The following SATL1 variants were observed in gnomAD, a reference collection of about 807,000 sequenced individuals.
The protein encoded by SATL1 is spermidine/spermine N(1)-acetyltransferase-like protein 1.
Under a neutral mutation model 51.8 loss-of-function variants are expected in SATL1, and 47 were observed. The ratio of observed to expected loss-of-function variants is 0.91; its 90% CI spans 0.72 to 1.16. The LOEUF is 1.16. SATL1 is among the 50% of genes most tolerant of loss of function. SATL1 has a pLI of 0.00. For missense variants in SATL1, 520 were observed against 526.4 expected (o/e 0.99, Z 0.12); for synonymous variants, 176 against 182.4 (o/e 0.97, Z 0.28).
chrX:85,101,078 G>A (rs957947619), intron 4 of SATL1, among the ~76,000 whole-genome samples: 7 of 112,146 alleles, frequency 6.2e-5, no homozygotes, highest in Non-Finnish European at 1.3e-4. Flanking sequence ...CTCAACATAA[G>A]TGCTAAACCT....
At chrX:85,121,067 T>G (rs1213646819) in intron 2 of SATL1, among the ~76,000 whole-genome samples, 2 of 110,678 alleles carry the variant, frequency 1.8e-5, no homozygotes, top group Non-Finnish European at 3.8e-5. Context: ...TCTGTGCTTC[T>G]TAGTAACTTT....
intron 2 of SATL1, among the ~76,000 whole-genome samples, chrX:85,201,369 A>G (rs755031776): frequency 7.2e-4 from 80 of 111,431 alleles, no homozygotes; most frequent in Admixed American, 2.4e-3. Flanking sequence ...TTAAGGCCCA[A>G]TTTTAAGATT....
chrX:85,151,646 C>T (rs1926441560), intron 2 of SATL1, among the ~76,000 whole-genome samples: 1 of 110,843 alleles, frequency 9.0e-6, no homozygotes, highest in African/African-American at 3.3e-5. Flanking sequence ...AGAACAGAGC[C>T]CTCAGAAATA....
At chrX:85,131,557 G>T (rs1748025803) in intron 2 of SATL1, among the ~76,000 whole-genome samples, 1 of 110,396 alleles carries the variant, frequency 9.1e-6, no homozygotes, top group African/African-American at 3.3e-5. Context: ...CACGTGAGAT[G>T]GGTCTCCTGA....
At chrX:85,230,541 A>G (rs1161161170) in intron 1 of SATL1, among the ~76,000 whole-genome samples, 2 of 112,318 alleles carry the variant, frequency 1.8e-5, no homozygotes, top group Admixed American at 1.9e-4. Context: ...AGCAGAAGCA[A>G]CAACAAAAAC....
intron 2 of SATL1, among the ~76,000 whole-genome samples, chrX:85,184,799 G>A (rs146202527): frequency 1.1e-3 from 125 of 111,986 alleles, no homozygotes; most frequent in East Asian, 0.011. Context: ...GAAAGGTGAC[G>A]TATTTCTAAC....
At chrX:85,196,688 C>CA (rs938794301) in intron 2 of SATL1, among the ~76,000 whole-genome samples, 2 of 111,496 alleles carry the variant, frequency 1.8e-5, no homozygotes, top group African/African-American at 6.5e-5. Context: ...AATAAACCCT[C>CA]ACATTTATTG....
intron 2 of SATL1, among the ~76,000 whole-genome samples, chrX:85,189,803 T>C (rs893124518): frequency 8.9e-5 from 10 of 112,060 alleles, no homozygotes; most frequent in Admixed American, 9.5e-5. Context: ...GAATGGCTAA[T>C]AGGAGCATTC....
At chrX:85,129,816 G>A (rs1250657309) in intron 2 of SATL1, among the ~76,000 whole-genome samples, 3 of 111,406 alleles carry the variant, frequency 2.7e-5, no homozygotes, top group Non-Finnish European at 5.7e-5. Context: ...TTTGAGATGC[G>A]TTCCATCAGT....
At chrX:85,204,749 T>C (rs1434872910) in intron 2 of SATL1, among the ~76,000 whole-genome samples, 1 of 112,072 alleles carries the variant, frequency 8.9e-6, no homozygotes, top group Non-Finnish European at 1.9e-5. Context: ...ATGTGACCAC[T>C]ATTCATTCGC....
intron 2 of SATL1, chrX:85,212,850 T>C (rs1927957795): frequency 9.0e-6 from 1 of 110,790 alleles, no homozygotes; most frequent in Non-Finnish European, 1.9e-5. Flanking sequence ...TCTCCATATA[T>C]GGTTATCAAC....
At chrX:85,157,650 A>G (rs1926628677) in intron 2 of SATL1, among the ~76,000 whole-genome samples, 1 of 111,284 alleles carries the variant, frequency 9.0e-6, no homozygotes, top group African/African-American at 3.3e-5. Flanking sequence ...ACTTAATGCT[A>G]TACAAGCTCT....
intron 2 of SATL1, among the ~76,000 whole-genome samples, chrX:85,150,549 T>G (rs1302506708): frequency 9.0e-6 from 1 of 110,499 alleles, no homozygotes; most frequent in Non-Finnish European, 1.9e-5. Context: ...TGATGAACAT[T>G]GATGCAAAAA....
chrX:85,220,683 A>C (rs1017355524), intron 2 of SATL1, among the ~76,000 whole-genome samples: 9 of 94,182 alleles, frequency 9.6e-5, no homozygotes, highest in Non-Finnish European at 1.6e-4. Flanking sequence ...AAAAAAAAAA[A>C]AAAACTCTCC....
rs181945555 is a variant in SATL1 at position 85,129,976 on chromosome X, G to A, written c.-312-20696C>T. On this transcript the variant is annotated intron_variant, in intron 2 of 7. Coordinates refer to ENST00000644105, the MANE Select transcript of SATL1 (RefSeq NM_001367857.2). ...ATTTATTTGTGTATGTTGAACAGGC[G>A]TGCATCCTAGGGTTGAAGCCAACTT... 4.3e-4 allele frequency among the ~76,000 whole-genome samples: 48 copies of A among 111,459 alleles called. 6 individuals are homozygous for A. The highest frequency in any genetic ancestry group is 3.3e-3 in the Admixed American group (34 of 10,448).
intron 1 of SATL1, among the ~76,000 whole-genome samples, chrX:85,243,029 G>T (rs1199497736): frequency 8.9e-6 from 1 of 111,989 alleles, no homozygotes; most frequent in Non-Finnish European, 1.9e-5. Context: ...TCTACTATGA[G>T]CCAGGTACTG....
rs766246373 is a variant in SATL1, at chrX:85,177,047, A to G, written c.-313+47158T>C. 2.4e-4 allele frequency among the ~76,000 whole-genome samples: 27 copies of G among 111,478 alleles called. No individual in the cohort carries two copies. In the South Asian group the frequency reaches 7.5e-3, roughly 31 times the overall value. On this transcript the variant is annotated intron_variant, in intron 2 of 7. Coordinates refer to ENST00000644105, the MANE Select transcript of SATL1 (RefSeq NM_001367857.2). Reference sequence around the variant, plus strand: ...AGAAAGCATCAAACTCATTGAAGGGACATTCTACAAAATAACTGACTAGCA... The same window carrying G: ...AGAAAGCATCAAACTCATTGAAGGGGCATTCTACAAAATAACTGACTAGCA...
At chrX:85,242,299 C>T (rs753865592) in intron 1 of SATL1, among the ~76,000 whole-genome samples, 20 of 112,044 alleles carry the variant, frequency 1.8e-4, no homozygotes, top group African/African-American at 6.2e-4. Context: ...AGAAAAATGT[C>T]ATGTATGAGG....
intron 2 of SATL1, among the ~76,000 whole-genome samples, chrX:85,132,102 T>G (rs1300698202): frequency 9.0e-6 from 1 of 111,289 alleles, no homozygotes; most frequent in Non-Finnish European, 1.9e-5. Flanking sequence ...CATTTCAACC[T>G]TGGTGTATCT....
Sources: allele counts gnomAD v4.1 joint callset (sites outside exome capture counted in the v4.1 genomes callset), GRCh38; gene constraint gnomAD v4.1.1; transcripts MANE v1.5; gene names NCBI Gene and HGNC (gene_info 2026-07-23, HGNC 2026-07-21).